FAM149A: variants seen among roughly 807,000 people sequenced by gnomAD.
The protein encoded by FAM149A is family with sequence similarity 149 member A, also known as protein FAM149A.
FAM149A carries 71 observed loss-of-function variants against 78.2 expected under a neutral mutation model. The ratio of observed to expected loss-of-function variants is 0.91; its 90% CI spans 0.75 to 1.11. The LOEUF (loss-of-function observed/expected upper bound fraction) is 1.11. Ranked by LOEUF, FAM149A falls within the 50% of genes least tolerant of loss-of-function variation. FAM149A has a pLI of 0.00. For missense variants in FAM149A, 1,036 were observed against 971.0 expected, an observed-to-expected ratio of 1.07 and a Z score of -0.89; for synonymous variants, 446 against 410.5, an observed-to-expected ratio of 1.09 and a Z score of -1.04.
At chr4:186,138,402 A>G (rs2099324410) in intron 1 of FAM149A, among the ~76,000 whole-genome samples, 1 of 152,208 alleles carries the variant, frequency 6.6e-6, no homozygotes, top group Non-Finnish European at 1.5e-5. Context: ...GAATTTGCAA[A>G]TAGTGATCCA....
chr4:186,162,738 G>A, intron 8 of FAM149A, 107 bp from the exon 9 acceptor site: 1 of 635,978 alleles, frequency 1.6e-6, no homozygotes, highest in Non-Finnish European at 2.8e-6. Context: ...GTTAGCTGGT[G>A]AGTGTGCCGG....
chr4:186,117,307 T>G (rs1167484245), intron 1 of FAM149A, among the ~76,000 whole-genome samples: 1 of 152,188 alleles, frequency 6.6e-6, no homozygotes, highest in East Asian at 1.9e-4. Flanking sequence ...TTAATGAATA[T>G]CTATTCCATC....
intron 1 of FAM149A, chr4:186,117,782 G>T: frequency 1.3e-6 from 1 of 781,376 alleles, no homozygotes; most frequent in Non-Finnish European, 1.6e-6. Flanking sequence ...TGTGCAGGGA[G>T]CTAGTAGGAA....
At position 186,105,453 on chromosome 4, in the gene FAM149A, C is replaced by T. The variant is rs550623234; in HGVS notation, c.377C>T (p.Pro126Leu). The change falls in exon 1 of 14, where the codon CCA becomes CTA. Residue 126 changes from proline (P) to leucine (L), a missense_variant. Transcript: ENST00000389354. ...TGCTCCCCTGCTCGCCTGGTGGTCC[C>T]AGCGCGGCCGCCCTCGGGCCCCGGC... 0.019 allele frequency: 22,785 copies of T among 1,215,336 alleles called. 263 individuals carry two copies. Among genetic ancestry groups the T allele is most frequent in the Middle Eastern group, 0.037 (109 of 2,944 alleles). 75.3% of individuals were successfully genotyped at this position (1,215,336 alleles called of 1,614,324 possible).
At chr4:186,108,899 G>C (rs1392144295) in intron 1 of FAM149A, among the ~76,000 whole-genome samples, 3 of 150,126 alleles carry the variant, frequency 2.0e-5, no homozygotes, top group Non-Finnish European at 4.4e-5. Flanking sequence ...CCAGGCTGGA[G>C]TGCAGTGGCG....
intron 1 of FAM149A, among the ~76,000 whole-genome samples, chr4:186,137,000 C>CTCTCTTTCTCTCTCTT (rs2099323545): frequency 7.3e-6 from 1 of 136,850 alleles, no homozygotes; most frequent in African/African-American, 2.9e-5. Context: ...CTCTCTCTCT[C>CTCTCTTTCTCTCTCTT]TCTCTCTCTC....
chr4:186,136,996 C>CTCTCTCTT (rs2099323516), intron 1 of FAM149A, among the ~76,000 whole-genome samples: 1 of 139,072 alleles, frequency 7.2e-6, no homozygotes, highest in East Asian at 2.5e-4. Flanking sequence ...CTCTCTCTCT[C>CTCTCTCTT]TCTCTCTCTC....
At chr4:186,157,829 G>T in intron 8 of FAM149A, 110 bp downstream of exon 8, 3 of 1,551,312 alleles carry the variant, frequency 1.9e-6, no homozygotes, top group Admixed American at 1.8e-5. Flanking sequence ...TGCTTTCCAC[G>T]CTGCCCGCAG....
rs535127748 is a variant in FAM149A at position 186,156,616 on chromosome 4, A to G, written c.1420+426A>G. Among the ~76,000 whole-genome samples the G allele has an allele frequency of 9.9e-5, 15 of 151,932 alleles. No individual in the cohort carries two copies. The East Asian group carries it at 1.6e-3, about 16-fold the overall frequency. Reference sequence around the variant, plus strand: ...TTGAACCCAGGAGGTGGAGATTGAGATTGCAGTGAGCAGAGATCACACCAC... The same window carrying G: ...TTGAACCCAGGAGGTGGAGATTGAGGTTGCAGTGAGCAGAGATCACACCAC... On this transcript the variant is annotated intron_variant, in intron 7 of 13. Coordinates refer to ENST00000389354, the MANE Select transcript of FAM149A (RefSeq NM_001367768.3).
intron 1 of FAM149A, among the ~76,000 whole-genome samples, chr4:186,142,974 C>T (rs1473949158): frequency 1.3e-5 from 2 of 151,886 alleles, no homozygotes; most frequent in Non-Finnish European, 2.9e-5. Context: ...TGTGTGACCT[C>T]GAACATGTTA....
chr4:186,154,336 G>A (rs1733857980), intron 5 of FAM149A, 132 bp from the exon 6 acceptor site: 1 of 689,416 alleles, frequency 1.5e-6, no homozygotes, highest in Non-Finnish European at 2.3e-6. Flanking sequence ...TTTGTCCAAT[G>A]TAATATTCAA....
chr4:186,149,908 T>G (rs909152466), intron 3 of FAM149A, among the ~76,000 whole-genome samples: 2 of 152,196 alleles, frequency 1.3e-5, no homozygotes, highest in African/African-American at 4.8e-5. Flanking sequence ...CCTCGTGACC[T>G]TCTGGCCCCG....
In FAM149A at chr4:186,163,572, G is replaced by A. The variant is rs1483970454; in HGVS notation, c.1828G>A (p.Asp610Asn). The A allele has an allele frequency of 3.7e-6, 6 of 1,614,060 alleles. No homozygotes were observed. Among genetic ancestry groups the A allele is most frequent in the Non-Finnish European group, 5.1e-6 (6 of 1,180,034 alleles). Reference sequence around the variant, plus strand: ...CTGGAGGCTGCCTTCTCTTGCTTCAGATTCACAGAGACTAAAAACTCCCAA... The same window carrying A: ...CTGGAGGCTGCCTTCTCTTGCTTCAAATTCACAGAGACTAAAAACTCCCAA... The change falls in exon 10 of 14, where the codon GAT becomes AAT. Residue 610 changes from aspartate to asparagine, a missense_variant. By Grantham distance (23) the Asp-to-Asn change is conservative (BLOSUM62 1). This residue lies in a region of FAM149A where 716 missense variants were observed against 711.8 expected (regional missense o/e 1.01). Coordinates refer to ENST00000389354, the MANE Select transcript of FAM149A (RefSeq NM_001367768.3).
chr4:186,138,468 A>C (rs1202674406), intron 1 of FAM149A, among the ~76,000 whole-genome samples: 4 of 152,210 alleles, frequency 2.6e-5, no homozygotes, highest in Non-Finnish European at 5.9e-5. Context: ...CATCTGCTTC[A>C]CGCAGGGTCC....
chr4:186,106,647 T>G (rs145692898), intron 1 of FAM149A, among the ~76,000 whole-genome samples: 209 of 152,258 alleles, frequency 1.4e-3, no homozygotes, highest in African/African-American at 4.7e-3. Flanking sequence ...ATGATATTCA[T>G]GTCAATATGA....
intron 1 of FAM149A, among the ~76,000 whole-genome samples, chr4:186,140,496 G>A (rs1299371927): frequency 7.4e-6 from 1 of 135,432 alleles, no homozygotes; most frequent in East Asian, 2.2e-4. Context: ...TGTTGCCCAG[G>A]CTTGTTCTGA....
rs903429404 is a variant in FAM149A, at chr4:186,164,617, G to A, written c.1890-727G>A. 5.3e-5 allele frequency: 21 copies of A among 399,748 alleles called. No homozygotes were observed. Among genetic ancestry groups the A allele is most frequent in the African/African-American group, 3.3e-4 (15 of 45,876 alleles). 24.8% of individuals were successfully genotyped at this position (399,748 alleles called of 1,614,324 possible). ...CCTTCGAGATCCCTCTCCCTCCTCCGCCTCGCTTCCCCCCATGCCAGTCAG... is the reference window on the plus strand; with the variant it reads ...CCTTCGAGATCCCTCTCCCTCCTCCACCTCGCTTCCCCCCATGCCAGTCAG... On this transcript the variant is annotated intron_variant, in intron 10 of 13. Coordinates refer to ENST00000389354, the MANE Select transcript of FAM149A (RefSeq NM_001367768.3). This position sits in a 1 kb window ranked among gnomAD's most constrained non-coding sequence, Gnocchi z 4.0.
In FAM149A at chr4:186,105,632, G is replaced by C. The variant is rs886262791; in HGVS notation, c.556G>C (p.Asp186His). 1.9e-6 allele frequency: 2 copies of C among 1,061,762 alleles called. No homozygotes were observed. Among genetic ancestry groups the C allele is most frequent in the South Asian group, 2.4e-5 (1 of 40,910 alleles). 65.8% of individuals were successfully genotyped at this position (1,061,762 alleles called of 1,614,324 possible). The change falls in exon 1 of 14, where the codon GAT becomes CAT. Residue 186 changes from aspartate to histidine, a missense_variant. Around this residue, in one of 3 missense-constraint regions of FAM149A, gnomAD observed 316 missense variants for 241.9 expected, o/e 1.31. Transcript: ENST00000389354. ...GGGGGCCTCGGACGGCGACTCCGGG[G>C]ATGGCGAAGCGTGAGTAGCAGCGTG...
chr4:186,171,487 T>G (rs1735525222), intron 13 of FAM149A, among the ~76,000 whole-genome samples: 2 of 152,256 alleles, frequency 1.3e-5, no homozygotes, highest in South Asian at 4.2e-4. Context: ...AACTACTAAC[T>G]TATCAACTTT....
Sources: gnomAD v4.1 joint callset for allele counts (sites outside exome capture counted in the v4.1 genomes callset) on GRCh38, gnomAD v4.1.1 for gene constraint, gnomAD v4.1.1 regional missense constraint, Gnocchi (gnomAD v3.1) non-coding constraint, MANE v1.5 for transcripts, NCBI Gene and HGNC (gene_info 2026-07-23, HGNC 2026-07-21) for gene names.